Variants in NRXN3 observed in about 807,000 individuals in gnomAD.
The protein encoded by NRXN3 is neurexin 3, also known as neurexin III.
In NRXN3, 32 loss-of-function variants were observed where a neutral mutation model predicts 137.6. The ratio of observed to expected loss-of-function variants is 0.23; its 90% CI spans 0.18 to 0.31. NRXN3 has a LOEUF of 0.31. NRXN3 is among the 10% of genes least tolerant of loss of function. The pLI is 1.00. For missense variants in NRXN3, 1,574 were observed against 2,062.5 expected (o/e 0.76, Z 4.59); for synonymous variants, 798 against 784.5 (o/e 1.02, Z -0.29).
chr14:79,784,389 T>C (rs2099122877), intron 19 of NRXN3, among the ~76,000 whole-genome samples: 1 of 152,160 alleles, frequency 6.6e-6, no homozygotes, highest in South Asian at 2.1e-4. Context: ...TAAATTAGAT[T>C]TAAAAGGTAC....
chr14:79,683,799 A>G (rs939958547), intron 17 of NRXN3, among the ~76,000 whole-genome samples: 1 of 152,106 alleles, frequency 6.6e-6, no homozygotes, highest in African/African-American at 2.4e-5. Context: ...TGCCTTATGT[A>G]TGTTTCCATA....
At chr14:79,827,907 G>C (rs2099310230) in intron 20 of NRXN3, among the ~76,000 whole-genome samples, 1 of 152,000 alleles carries the variant, frequency 6.6e-6, no homozygotes, top group Non-Finnish European at 1.5e-5. Flanking sequence ...TGTTGGACAG[G>C]CTGGTCTCAA....
chr14:78,900,163 A>G (rs1239395621), intron 10 of NRXN3, among the ~76,000 whole-genome samples: 1 of 151,970 alleles, frequency 6.6e-6, no homozygotes, highest in Admixed American at 6.6e-5. Flanking sequence ...ATGTTCTGAC[A>G]CCATTTTTTA....
At chr14:79,022,776 G>T (rs1170893488) in intron 15 of NRXN3, among the ~76,000 whole-genome samples, 1 of 152,144 alleles carries the variant, frequency 6.6e-6, no homozygotes, top group African/African-American at 2.4e-5. Context: ...TGGTTAAAAG[G>T]TGATTAATCT....
At chr14:78,815,479 CTTTTTTTTT>C (rs61411777) in intron 10 of NRXN3, among the ~76,000 whole-genome samples, 5 of 84,436 alleles carry the variant, frequency 5.9e-5, no homozygotes, top group African/African-American at 2.1e-4. Flanking sequence ...TTGTTTCTTT[CTTTTTTTTT>C]TTTTTTTTTT....
intron 15 of NRXN3, among the ~76,000 whole-genome samples, chr14:79,160,809 C>T (rs1054805822): frequency 6.6e-6 from 1 of 151,896 alleles, no homozygotes; most frequent in African/African-American, 2.4e-5. Flanking sequence ...GCTGTTGCCT[C>T]ATAAGGAGGG....
chr14:79,790,723 C>T (rs781246915), intron 19 of NRXN3, among the ~76,000 whole-genome samples: 2 of 149,676 alleles, frequency 1.3e-5, no homozygotes, highest in African/African-American at 2.5e-5. Context: ...CAGGTTCAAG[C>T]GATTCTCCTG....
At chr14:78,212,529 C>A (rs2153413775) in intron 1 of NRXN3, among the ~76,000 whole-genome samples, 1 of 152,268 alleles carries the variant, frequency 6.6e-6, no homozygotes, top group South Asian at 2.1e-4. Context: ...CATGTGGGTT[C>A]TGGTTGTGGA....
At chr14:78,758,553 C>CT (rs1008644139) in intron 8 of NRXN3, among the ~76,000 whole-genome samples, 1 of 152,170 alleles carries the variant, frequency 6.6e-6, no homozygotes, top group Non-Finnish European at 1.5e-5. Flanking sequence ...TCTTATTGGA[C>CT]TTGAGCATTA....
chr14:78,415,156 TCCTCTCTATG>T (rs1301776368), intron 4 of NRXN3, among the ~76,000 whole-genome samples: 3 of 152,190 alleles, frequency 2.0e-5, no homozygotes, highest in Admixed American at 1.3e-4. Context: ...TCTCTATTCA[TCCTCTCTATG>T]CCTCAGTTTC....
intron 16 of NRXN3, among the ~76,000 whole-genome samples, chr14:79,517,092 G>GCCCCCCCC (rs35613259): frequency 1.6e-5 from 2 of 124,630 alleles, no homozygotes; most frequent in African/African-American, 6.8e-5. Flanking sequence ...CAAATGTACA[G>GCCCCCCCC]CCCCCCCCCC....
chr14:78,478,290 G>T (rs1013716440), intron 4 of NRXN3, among the ~76,000 whole-genome samples: 2 of 152,102 alleles, frequency 1.3e-5, no homozygotes, highest in Admixed American at 1.3e-4. Flanking sequence ...AGTGCACAGA[G>T]ACAAGTAGTT....
At chr14:79,296,125 C>CT (rs1328965367) in intron 15 of NRXN3, among the ~76,000 whole-genome samples, 3 of 152,114 alleles carry the variant, frequency 2.0e-5, no homozygotes, top group Non-Finnish European at 2.9e-5. Flanking sequence ...CTCTGCCTTT[C>CT]TTAAGGGTAA....
chr14:79,547,908 T>G (rs1448259807), intron 16 of NRXN3, among the ~76,000 whole-genome samples: 5 of 152,194 alleles, frequency 3.3e-5, no homozygotes, highest in Non-Finnish European at 7.3e-5. Flanking sequence ...CTTGCTGCAA[T>G]TGTCCTTTGA....
chr14:79,728,300 C>T lies in NRXN3; in HGVS notation c.4014+30363C>T, dbSNP rs528793843. Among the ~76,000 whole-genome samples the T allele has an allele frequency of 1.1e-3, 162 of 152,316 alleles. 1 individual carries two copies. The highest frequency in any genetic ancestry group is 3.8e-3 in the African/African-American group (156 of 41,576). On this transcript the variant is annotated intron_variant, in intron 19 of 20. Coordinates refer to ENST00000335750, the MANE Select transcript of NRXN3 (RefSeq NM_001330195.2). ...CTCCTTCTTCCAGCCCAGGGAGAGT[C>T]TGCAGTGAGCAAGGTAAGAGGTAGC... is the stretch of plus-strand genomic sequence containing the variant.
At chr14:79,720,389 G>A (rs1420465074) in intron 19 of NRXN3, among the ~76,000 whole-genome samples, 1 of 152,040 alleles carries the variant, frequency 6.6e-6, no homozygotes, top group African/African-American at 2.4e-5. Context: ...AACCATATCA[G>A]GGAGTTATCC....
intron 4 of NRXN3, among the ~76,000 whole-genome samples, chr14:78,369,750 G>A (rs527661555): frequency 6.6e-6 from 1 of 152,224 alleles, no homozygotes; most frequent in South Asian, 2.1e-4. Flanking sequence ...GTAGAGAAGA[G>A]GGTCTCACTT....
chr14:79,743,788 G>C (rs539157499), intron 19 of NRXN3, among the ~76,000 whole-genome samples: 2 of 152,154 alleles, frequency 1.3e-5, no homozygotes, highest in South Asian at 4.1e-4. Flanking sequence ...ATGATGCTAA[G>C]TTTCTTGCAC....
intron 1 of NRXN3, among the ~76,000 whole-genome samples, chr14:78,214,292 T>G (rs2063039504): frequency 6.6e-6 from 1 of 152,186 alleles, no homozygotes; most frequent in South Asian, 2.1e-4. Context: ...CAGAAGAGTC[T>G]CTTTCCTTCA....
Sources: allele counts gnomAD v4.1 joint callset (sites outside exome capture counted in the v4.1 genomes callset), GRCh38; gene constraint gnomAD v4.1.1; transcripts MANE v1.5; gene names NCBI Gene and HGNC (gene_info 2026-07-23, HGNC 2026-07-21).